Variants in ABCC3 observed in about 807,000 individuals in gnomAD.
The protein encoded by ABCC3 is ATP binding cassette subfamily C member 3.
A neutral mutation model predicts 165.3 loss-of-function variants in ABCC3; 121 were observed. The ratio of observed to expected loss-of-function variants is 0.73; its 90% CI spans 0.63 to 0.85. The LOEUF is 0.85. Ranked by LOEUF, ABCC3 falls within the 40% of genes least tolerant of loss-of-function variation. The probability of loss-of-function intolerance (pLI) is 0.00; values close to 1 mark genes in which losing one functional copy is unlikely to be tolerated. For synonymous variants in ABCC3, 733 were observed against 810.1 expected, an observed-to-expected ratio of 0.90 and a Z score of 1.62; for missense variants, 1,869 against 1,964.1, an observed-to-expected ratio of 0.95 and a Z score of 0.92.
rs1285537216 is a variant in ABCC3 at position 50,687,518 on chromosome 17, T to G, written c.4281-18T>G. 1 of 1,608,680 alleles carries G rather than the reference T, an allele frequency of 6.2e-7. No homozygotes were observed. Among genetic ancestry groups the G allele is most frequent in the Admixed American group, 1.7e-5 (1 of 59,960 alleles). On this transcript the variant is annotated intron_variant, in intron 29 of 30. Transcript: ENST00000285238. ...TGGGAGGCCCCCAGCTGGAAATGCC[T>G]GCCTTCTCCACTCCCAGCGTGGGCC...
At chr17:50,655,781 C>G (rs1967226014) in intron 1 of ABCC3, 51 bp from the exon 2 acceptor site, 1 of 1,575,620 alleles carries the variant, frequency 6.3e-7, no homozygotes, top group South Asian at 1.1e-5. Context: ...TCAAGGCAGC[C>G]CAATTCTCTG....
intron 8 of ABCC3, 135 bp from the exon 9 acceptor site, chr17:50,663,546 C>T: frequency 9.5e-7 from 1 of 1,048,188 alleles, no homozygotes; most frequent in Non-Finnish European, 1.4e-6. Context: ...CCTCCCTGGC[C>T]CAAGAGGTTG....
chr17:50,635,023 T>C (rs1567821955), intron 1 of ABCC3, 42 bp downstream of exon 1: 6 of 1,252,390 alleles, frequency 4.8e-6, no homozygotes, highest in Non-Finnish European at 6.0e-6. Context: ...GGGGCCAGGG[T>C]CGGCCGGCTT....
At chr17:50,672,872 A>G in intron 17 of ABCC3, 99 bp from the exon 18 acceptor site, 3 of 805,074 alleles carry the variant, frequency 3.7e-6, no homozygotes, top group Non-Finnish European at 5.1e-6. Flanking sequence ...CATCTCAGGA[A>G]AAAAAAAAAA....
chr17:50,638,198 C>A lies in ABCC3; in HGVS notation c.45+3217C>A, dbSNP rs1337170596. On this transcript the variant is annotated intron_variant, in intron 1 of 30. Transcript: ENST00000285238. ...ACAAGGGAGGAGGTGGGATCCTCTG[C>A]CTGCAGGATTCCTCTCTGTTCTGAA... Among the ~76,000 whole-genome samples the A allele has an allele frequency of 1.8e-4, 27 of 152,170 alleles. 1 individual carries two copies.
intron 1 of ABCC3, 191 bp downstream of exon 1, chr17:50,635,172 G>A: frequency 1.7e-6 from 1 of 580,042 alleles, no homozygotes; most frequent in Non-Finnish European, 2.8e-6. Flanking sequence ...CGGGTCCCAC[G>A]CGGTGTCGGG....
intron 15 of ABCC3, 31 bp from the exon 16 acceptor site, chr17:50,669,109 C>G (rs1437740209): frequency 6.3e-6 from 10 of 1,589,172 alleles, no homozygotes; most frequent in Non-Finnish European, 8.6e-6. Flanking sequence ...ATCCCTGCCT[C>G]TAACTGGACT....
chr17:50,665,766 C>T (rs868298992), intron 11 of ABCC3, among the ~76,000 whole-genome samples: 4 of 150,510 alleles, frequency 2.7e-5, no homozygotes, highest in African/African-American at 9.7e-5. Flanking sequence ...CCACCACACC[C>T]GGCTTATTTT....
intron 1 of ABCC3, among the ~76,000 whole-genome samples, chr17:50,653,946 T>C (rs1967169830): frequency 6.6e-6 from 1 of 152,200 alleles, no homozygotes; most frequent in Non-Finnish European, 1.5e-5. Context: ...GTTGCAATGA[T>C]TGGCTGAGAC....
Position 50,673,235 on chromosome 17 carries a change from G to A in ABCC3, c.2409+97G>A, listed in dbSNP as rs146531848. On this transcript the variant is annotated intron_variant, in intron 18 of 30. Transcript: ENST00000285238. ...AGGGGTTTGGATGAGACTTGGAGGTGTGGGGGGCGCAAGAAGTGGGCATGT... is the reference window on the plus strand; with the variant it reads ...AGGGGTTTGGATGAGACTTGGAGGTATGGGGGGCGCAAGAAGTGGGCATGT... The A allele has an allele frequency of 1.9e-4, 283 of 1,485,942 alleles. No homozygotes were observed. In the East Asian group the frequency reaches 6.4e-3, roughly 34 times the overall value. The allele number at this position is 1,485,942 out of a possible 1,614,324, so 92.0% of individuals were successfully genotyped here.
chr17:50,644,234 C>G (rs1248488891), intron 1 of ABCC3, among the ~76,000 whole-genome samples: 1 of 135,826 alleles, frequency 7.4e-6, no homozygotes, highest in Non-Finnish European at 1.5e-5. Context: ...TCATTTGAAC[C>G]CGGGAGGTGG....
chr17:50,639,521 G>T (rs2054208275), intron 1 of ABCC3, among the ~76,000 whole-genome samples: 1 of 152,024 alleles, frequency 6.6e-6, no homozygotes, highest in Non-Finnish European at 1.5e-5. Context: ...ATGACCAGCT[G>T]AGCCACCCCG....
At chr17:50,671,627 G>A (rs539280863) in intron 17 of ABCC3, among the ~76,000 whole-genome samples, 25 of 150,696 alleles carry the variant, frequency 1.7e-4, no homozygotes, top group Non-Finnish European at 3.4e-4. Context: ...GGAGTCTGCA[G>A]AGTCCCAAGG....
At chr17:50,666,919 T>G (rs1238160298) in intron 11 of ABCC3, among the ~76,000 whole-genome samples, 1 of 152,160 alleles carries the variant, frequency 6.6e-6, no homozygotes, top group Non-Finnish European at 1.5e-5. Context: ...GCAATGTGCT[T>G]TAGAAACCCA....
chr17:50,676,316 GGTGGCAT>G lies in ABCC3; in HGVS notation c.3107_3113del (p.Gly1036AlafsTer32). On this transcript the variant is annotated frameshift_variant, in exon 23 of 31. Coordinates refer to ENST00000285238, the MANE Select transcript of ABCC3 (RefSeq NM_003786.4). LOFTEE classifies it high-confidence loss of function. ...GCTGGCAGCCATGGCCATGGCAGCG[GGTGGCAT>G]CCAGGCTGCCCGTGTGTTGCACCAG... 1 of 1,613,994 alleles carries G rather than the reference GGTGGCAT, an allele frequency of 6.2e-7. No individual in the cohort carries two copies. The highest frequency in any genetic ancestry group is 8.5e-7 in the Non-Finnish European group (1 of 1,179,948).
intron 6 of ABCC3, among the ~76,000 whole-genome samples, chr17:50,658,854 A>T (rs537358850): frequency 6.6e-6 from 1 of 152,294 alleles, no homozygotes; most frequent in African/African-American, 2.4e-5. Flanking sequence ...GAGCAGGATA[A>T]CTGTGTCTGT....
At chr17:50,677,967 C>G in intron 24 of ABCC3, 24 bp downstream of exon 24, 1 of 1,614,140 alleles carries the variant, frequency 6.2e-7, no homozygotes, top group Non-Finnish European at 8.5e-7. Context: ...TCCCTCGCTC[C>G]CTGCTCCTCC....
At chr17:50,666,563 C>T (rs60244753) in intron 11 of ABCC3, among the ~76,000 whole-genome samples, 3,771 of 152,322 alleles carry the variant, frequency 0.025, 184 homozygotes, top group East Asian at 0.2. Context: ...TACTTTCTTA[C>T]AGGATCCTGT....
chr17:50,657,113 T>C lies in ABCC3; in HGVS notation c.416T>C (p.Ile139Thr). ...QGVQSSGVLI[I>T]FWFLCVVCAI... is the part of the protein sequence containing the mutation. ...GTACAGTCTTCGGGGGTCCTCATTA[T>C]CTTCTGGTTCCTGTGTGTGGTCTGC... Residue 139 changes from isoleucine (I) to threonine (T), a missense_variant, in exon 4 of 31, where the codon ATC becomes ACC. Transcript: ENST00000285238. 6.2e-7 allele frequency: 1 copy of C among 1,614,164 alleles called. No individual in the cohort carries two copies. Among genetic ancestry groups the C allele is most frequent in the Non-Finnish European group, 8.5e-7 (1 of 1,180,026 alleles).
Sources: allele counts gnomAD v4.1 joint callset (sites outside exome capture counted in the v4.1 genomes callset), GRCh38; gene constraint gnomAD v4.1.1; transcripts MANE v1.5; gene names NCBI Gene and HGNC (gene_info 2026-07-23, HGNC 2026-07-21).